The following OSGIN2 variants were observed in gnomAD, a reference collection of about 807,000 sequenced individuals.
OSGIN2 encodes the protein oxidative stress-induced growth inhibitor 2.
In OSGIN2, 19 loss-of-function variants were observed where a neutral mutation model predicts 53.8. The ratio of observed to expected loss-of-function variants is 0.35; its 90% CI spans 0.25 to 0.52. The LOEUF (loss-of-function observed/expected upper bound fraction) is 0.52. Among genes scored for constraint, OSGIN2 ranks in the 20% least tolerant of loss-of-function variants. OSGIN2 has a pLI of 0.95. For missense variants in OSGIN2, 520 were observed against 662.7 expected, an observed-to-expected ratio of 0.78 and a Z score of 2.36; for synonymous variants, 236 against 236.0, an observed-to-expected ratio of 1.00 and a Z score of 0.00.
At chr8:89,915,762 G>A (rs1809064660) in intron 4 of OSGIN2, among the ~76,000 whole-genome samples, 1 of 152,128 alleles carries the variant, frequency 6.6e-6, no homozygotes, top group East Asian at 1.9e-4. Flanking sequence ...TATTAGTGCA[G>A]TTTTGCACAT....
chr8:89,924,728 G>C lies in OSGIN2; in HGVS notation c.846G>C (p.Arg282Ser). ...TTATCAAGAGAAACTGGGAAATTAG[G>C]GGTTATCAGCGAATAGCTGATGGTT... is the stretch of plus-strand genomic sequence containing the variant. ...SNFIKRNWEI[R>S]GYQRIADGSH... Residue 282 changes from arginine (R) to serine (S), a missense_variant, in exon 6 of 6, where the codon AGG (arginine) becomes AGC (serine). Around this residue, in one of 3 missense-constraint regions of OSGIN2, gnomAD observed 239 missense variants for 328.3 expected, o/e 0.73. Coordinates refer to ENST00000451899, the MANE Select transcript of OSGIN2 (RefSeq NM_001126111.3). 1 of 1,614,110 alleles carries C rather than the reference G, an allele frequency of 6.2e-7. No homozygotes were observed. Among genetic ancestry groups the C allele is most frequent in the Non-Finnish European group, 8.5e-7 (1 of 1,179,978 alleles).
At position 89,904,749 on chromosome 8, in the gene OSGIN2, C is replaced by T. The variant is rs536945512; in HGVS notation, c.44+1912C>T. Among the ~76,000 whole-genome samples the T allele has an allele frequency of 3.3e-5, 5 of 152,160 alleles. No homozygotes were observed. In the South Asian group the frequency reaches 8.3e-4, roughly 25 times the overall value. Reference sequence around the variant, plus strand: ...GAGAATAGCTTGAACCCAGGAGACACGTTGCAGTGACCTGAGATCGCACCA... The same window carrying T: ...GAGAATAGCTTGAACCCAGGAGACATGTTGCAGTGACCTGAGATCGCACCA... On this transcript the variant is annotated intron_variant, in intron 1 of 5. Transcript: ENST00000451899.
At position 89,914,727 on chromosome 8, in the gene OSGIN2, C is replaced by T; in HGVS notation, c.509C>T (p.Pro170Leu). The T allele has an allele frequency of 6.2e-7, 1 of 1,613,586 alleles. No individual in the cohort carries two copies. The highest frequency in any genetic ancestry group is 8.5e-7 in the Non-Finnish European group (1 of 1,179,576). The change falls in exon 4 of 6, where the codon CCA (proline) becomes CTA (leucine). Residue 170 changes from proline to leucine, a missense_variant. Pro to Leu is a moderately conservative substitution (Grantham distance 98, BLOSUM62 -3). Around this residue, in one of 3 missense-constraint regions of OSGIN2, gnomAD observed 203 missense variants for 275.3 expected, o/e 0.74. Transcript: ENST00000451899. ...CCTCACGTAGTTCTTGGTAAAGGTC[C>T]ACCTGGTGGGGCTTGGCATGTGAGT... ...YIPHVVLGKG[P>L]PGGAWHNMEG... is the part of the protein sequence containing the mutation.
At chr8:89,911,682 C>T (rs1218833705) in intron 2 of OSGIN2, among the ~76,000 whole-genome samples, 1 of 149,802 alleles carries the variant, frequency 6.7e-6, no homozygotes, top group African/African-American at 2.5e-5. Flanking sequence ...CACCTGTAAT[C>T]CCAGCACTTT....
At chr8:89,921,635 C>T (rs1809206344) in intron 5 of OSGIN2, among the ~76,000 whole-genome samples, 1 of 151,938 alleles carries the variant, frequency 6.6e-6, no homozygotes. Flanking sequence ...TAGAATCTGG[C>T]TTATGGTTGG....
At chr8:89,909,770 T>A in intron 2 of OSGIN2, 49 bp downstream of exon 2, 1 of 1,208,640 alleles carries the variant, frequency 8.3e-7, no homozygotes, top group Non-Finnish European at 1.2e-6. Context: ...TGACCCTTAA[T>A]ACTTTTATAA....
intron 5 of OSGIN2, among the ~76,000 whole-genome samples, chr8:89,923,008 G>A (rs1166664625): frequency 6.6e-6 from 1 of 152,076 alleles, no homozygotes; most frequent in African/African-American, 2.4e-5. Flanking sequence ...CCTGTGGGAG[G>A]TACCATACCA....
At chr8:89,922,733 T>C (rs889879016) in intron 5 of OSGIN2, among the ~76,000 whole-genome samples, 5 of 152,200 alleles carry the variant, frequency 3.3e-5, no homozygotes, top group African/African-American at 9.7e-5. Context: ...TATTGCTTAA[T>C]GATGGTGATA....
intron 5 of OSGIN2, among the ~76,000 whole-genome samples, chr8:89,923,940 G>C (rs1021724938): frequency 2.6e-5 from 4 of 152,168 alleles, no homozygotes; most frequent in African/African-American, 4.8e-5. Flanking sequence ...AAAACACATA[G>C]AGTGAAATGT....
intron 4 of OSGIN2, among the ~76,000 whole-genome samples, chr8:89,919,356 A>G (rs1809149410): frequency 1.3e-5 from 2 of 152,354 alleles, no homozygotes; most frequent in Non-Finnish European, 2.9e-5. Context: ...GCTTCTAGAT[A>G]TCCACTCCTA....
At chr8:89,919,791 CCTTT>C (rs1809158379) in intron 4 of OSGIN2, among the ~76,000 whole-genome samples, 1 of 152,112 alleles carries the variant, frequency 6.6e-6, no homozygotes. Flanking sequence ...GAATATTTTC[CCTTT>C]CTAATGGTAC....
chr8:89,924,606 A>G lies in OSGIN2; in HGVS notation c.724A>G (p.Ile242Val), dbSNP rs1586010965. ...GAAGAATTTCAGAGAGAATACTTAC[A>G]TAACTTCCGTATCAAGACTCTACAG... ...LQKNFRENTYITSVSRLYRDQ... is the reference protein window; with the variant it reads ...LQKNFRENTYVTSVSRLYRDQ... Residue 242 changes from isoleucine (I) to valine (V), a missense_variant, in exon 6 of 6, where the codon ATA becomes GTA. Physicochemically the swap from Ile to Val is conservative, Grantham distance 29. This residue lies in a region of OSGIN2 where 78 missense variants were observed against 59.1 expected (regional missense o/e 1.32). Transcript: ENST00000451899. The G allele has an allele frequency of 6.2e-7, 1 of 1,613,946 alleles. No individual in the cohort carries two copies. Among genetic ancestry groups the G allele is most frequent in the Non-Finnish European group, 8.5e-7 (1 of 1,179,764 alleles).
chr8:89,925,560 C>T lies in OSGIN2; in HGVS notation c.*28C>T. ...CAAGTTTACAAGTAATTAAAATGGA[C>T]AGTTTGCCATTAAAGATTTTTAATA... On this transcript the variant is annotated 3_prime_UTR_variant, in exon 6 of 6. Coordinates refer to ENST00000451899, the MANE Select transcript of OSGIN2 (RefSeq NM_001126111.3). 3.2e-6 allele frequency: 5 copies of T among 1,562,912 alleles called. 1 individual carries two copies. The highest frequency in any genetic ancestry group is 2.3e-5 in the South Asian group (2 of 88,230).
intron 2 of OSGIN2, among the ~76,000 whole-genome samples, chr8:89,910,214 A>C (rs920282836): frequency 6.6e-6 from 1 of 152,208 alleles, no homozygotes; most frequent in Non-Finnish European, 1.5e-5. Flanking sequence ...CCACAACACT[A>C]CTATTTTATA....
intron 3 of OSGIN2, 120 bp from the exon 4 acceptor site, chr8:89,914,435 G>T: frequency 2.7e-6 from 2 of 746,298 alleles, no homozygotes; most frequent in Non-Finnish European, 2.2e-6. Flanking sequence ...TTTAGTAGGT[G>T]CTCTGTGGTC....
At chr8:89,919,806 ACTC>A (rs963699291) in intron 4 of OSGIN2, among the ~76,000 whole-genome samples, 2 of 151,610 alleles carry the variant, frequency 1.3e-5, no homozygotes, top group African/African-American at 4.9e-5. Flanking sequence ...CTAATGGTAC[ACTC>A]CTCTGCCCAT....
At chr8:89,921,280 T>C in intron 5 of OSGIN2, 109 bp downstream of exon 5, 1 of 637,748 alleles carries the variant, frequency 1.6e-6, no homozygotes, top group Non-Finnish European at 2.8e-6. Context: ...TAAATGTACG[T>C]CTTTCAAATA....
chr8:89,922,164 A>G (rs1809220251), intron 5 of OSGIN2, among the ~76,000 whole-genome samples: 1 of 152,222 alleles, frequency 6.6e-6, no homozygotes, highest in Non-Finnish European at 1.5e-5. Flanking sequence ...CAAAATAAGA[A>G]GTTACGTAAC....
rs1586012735 is a variant in OSGIN2 at position 89,926,082 on chromosome 8, A to G, written c.*550A>G. On this transcript the variant is annotated 3_prime_UTR_variant, in exon 6 of 6. Coordinates refer to ENST00000451899, the MANE Select transcript of OSGIN2 (RefSeq NM_001126111.3). ...ATTTGAGACACTGGTTTAAATGAAA[A>G]TGGATATAAGGTATGTATAACTGGG... 1 of 153,428 alleles carries G rather than the reference A, an allele frequency of 6.5e-6. No individual in the cohort carries two copies. The highest frequency in any genetic ancestry group is 3.4e-3 in the Middle Eastern group (1 of 296). 9.5% of individuals were successfully genotyped at this position (153,428 alleles called of 1,614,324 possible).
Sources: gnomAD v4.1 joint callset for allele counts (sites outside exome capture counted in the v4.1 genomes callset) on GRCh38, gnomAD v4.1.1 for gene constraint, gnomAD v4.1.1 regional missense constraint, MANE v1.5 for transcripts, NCBI Gene and HGNC (gene_info 2026-07-23, HGNC 2026-07-21) for gene names.